Variants in AK5 observed in about 807,000 individuals in gnomAD.
AK5 encodes the protein adenylate kinase isoenzyme 5.
In AK5, 27 loss-of-function variants were observed where a neutral mutation model predicts 69.5. The observed-to-expected ratio is 0.39, with a 90% CI of 0.29 to 0.54. The LOEUF is 0.54. Among genes scored for constraint, AK5 ranks in the 20% least tolerant of loss-of-function variants. The pLI is 0.71. For missense variants in AK5, 531 were observed against 700.4 expected (o/e 0.76, Z 2.73); for synonymous variants, 260 against 244.4 (o/e 1.06, Z -0.60).
intron 5 of AK5, among the ~76,000 whole-genome samples, chr1:77,335,121 G>C (rs552716136): frequency 6.6e-6 from 1 of 152,178 alleles, no homozygotes; most frequent in African/African-American, 2.4e-5. Context: ...AGTACTGACA[G>C]TTAAGAACAA....
chr1:77,513,137 C>T (rs932794625), intron 10 of AK5, among the ~76,000 whole-genome samples: 1 of 152,242 alleles, frequency 6.6e-6, no homozygotes, highest in African/African-American at 2.4e-5. Context: ...ACTTCCACCC[C>T]TGTGCAGATG....
intron 7 of AK5, among the ~76,000 whole-genome samples, chr1:77,413,589 C>T (rs1334064709): frequency 6.6e-6 from 1 of 152,208 alleles, no homozygotes; most frequent in African/African-American, 2.4e-5. Context: ...TCTGGGCCTC[C>T]ATCTCCTTAT....
intron 10 of AK5, among the ~76,000 whole-genome samples, chr1:77,503,087 G>C (rs1656818269): frequency 1.3e-5 from 2 of 152,150 alleles, no homozygotes; most frequent in South Asian, 4.1e-4. Context: ...CCAATATTTA[G>C]GCATTTCTGT....
chr1:77,308,375 C>T (rs1659757478), intron 5 of AK5, among the ~76,000 whole-genome samples: 1 of 147,998 alleles, frequency 6.8e-6, no homozygotes, highest in Non-Finnish European at 1.5e-5. Context: ...GGAGATGGAG[C>T]TTGCAGTGAG....
chr1:77,524,800 CAAG>C lies in AK5; in HGVS notation c.1428+2861_1428+2863del, dbSNP rs550353205. Among the ~76,000 whole-genome samples the C allele has an allele frequency of 4.1e-4, 57 of 137,458 alleles. 1 individual carries two copies. Among genetic ancestry groups the C allele is most frequent in the African/African-American group, 1.7e-3 (55 of 32,256 alleles). The allele number at this position is 137,458 out of a possible 152,430, so 90.2% of individuals were successfully genotyped here. Reference sequence around the variant, plus strand: ...TGTTGCCTGTGCTTTTTGTCCTGTACAAGAAGTTATTACCTAATCCCCATGAAG... The same window carrying C: ...TGTTGCCTGTGCTTTTTGTCCTGTACAAGTTATTACCTAATCCCCATGAAG... On this transcript the variant is annotated intron_variant, in intron 12 of 13. Coordinates refer to ENST00000354567, the MANE Select transcript of AK5 (RefSeq NM_174858.3).
intron 8 of AK5, among the ~76,000 whole-genome samples, chr1:77,444,384 A>T (rs1258990307): frequency 2.0e-4 from 7 of 35,048 alleles, no homozygotes; most frequent in Non-Finnish European, 3.0e-4. Flanking sequence ...TACTATATAT[A>T]GTATATATAG....
intron 6 of AK5, among the ~76,000 whole-genome samples, chr1:77,381,221 T>C (rs1361926083): frequency 6.6e-6 from 1 of 152,162 alleles, no homozygotes; most frequent in Non-Finnish European, 1.5e-5. Context: ...TGGCTCACTT[T>C]ACCCTTCTAC....
At chr1:77,526,286 G>T (rs1296927807) in intron 12 of AK5, among the ~76,000 whole-genome samples, 1 of 151,998 alleles carries the variant, frequency 6.6e-6, no homozygotes, top group Admixed American at 6.5e-5. Context: ...ATTGGCAGTT[G>T]TGTAAACATG....
intron 10 of AK5, among the ~76,000 whole-genome samples, chr1:77,492,910 T>C (rs1386705037): frequency 6.6e-6 from 1 of 152,156 alleles, no homozygotes; most frequent in Non-Finnish European, 1.5e-5. Context: ...GGTGGGAGAA[T>C]GGCCCTGACA....
intron 6 of AK5, among the ~76,000 whole-genome samples, chr1:77,379,009 G>A (rs1190068082): frequency 6.6e-6 from 1 of 152,198 alleles, no homozygotes. Flanking sequence ...GAGACAACAT[G>A]CTGGGTTGCT....
At position 77,518,675 on chromosome 1, in the gene AK5, A is replaced by G. The variant is rs769994257; in HGVS notation, c.1259A>G (p.Glu420Gly). ...CGTGAGGAACTGGCATCAGAATCTGAAAGAAGCAAATTGATCAGAGACATT... is the reference window on the plus strand; with the variant it reads ...CGTGAGGAACTGGCATCAGAATCTGGAAGAAGCAAATTGATCAGAGACATT... Reference protein sequence around the residue: ...LLREELASESERSKLIRDIME... With the variant: ...LLREELASESGRSKLIRDIME... Residue 420 changes from glutamate (E) to glycine (G), a missense_variant, in exon 11 of 14, where the codon GAA becomes GGA. Physicochemically the swap from Glu to Gly is moderately conservative, Grantham distance 98. Transcript: ENST00000354567. The G allele has an allele frequency of 3.7e-6, 6 of 1,614,212 alleles. No homozygotes were observed. The Admixed American group carries it at 1.0e-4, about 27-fold the overall frequency.
intron 5 of AK5, among the ~76,000 whole-genome samples, chr1:77,333,881 T>G (rs949673566): frequency 1.3e-5 from 2 of 152,230 alleles, no homozygotes; most frequent in African/African-American, 4.8e-5. Flanking sequence ...GTGGTAAAGG[T>G]ACAATTCCTG....
At chr1:77,342,437 G>A (rs1557511995) in intron 6 of AK5, among the ~76,000 whole-genome samples, 2 of 152,190 alleles carry the variant, frequency 1.3e-5, no homozygotes, top group Non-Finnish European at 1.5e-5. Flanking sequence ...GAGGTGAAAT[G>A]CCATTGCCTC....
intron 1 of AK5, among the ~76,000 whole-genome samples, chr1:77,285,758 C>T (rs1238888567): frequency 6.6e-6 from 1 of 151,956 alleles, no homozygotes; most frequent in Non-Finnish European, 1.5e-5. Context: ...CAGTGGATAT[C>T]GTAGTGACTT....
intron 8 of AK5, among the ~76,000 whole-genome samples, chr1:77,474,555 A>G (rs969342078): frequency 1.3e-5 from 2 of 152,228 alleles, no homozygotes; most frequent in African/African-American, 4.8e-5. Context: ...GTGATGATCA[A>G]GAAGTGCTTC....
At chr1:77,491,527 G>C (rs1014336442) in intron 10 of AK5, among the ~76,000 whole-genome samples, 1 of 151,870 alleles carries the variant, frequency 6.6e-6, no homozygotes, top group Non-Finnish European at 1.5e-5. Context: ...GGCTGGTCTC[G>C]AACTCCTGAC....
intron 6 of AK5, among the ~76,000 whole-genome samples, chr1:77,395,703 T>C (rs1570496818): frequency 6.6e-6 from 1 of 152,114 alleles, no homozygotes; most frequent in African/African-American, 2.4e-5. Context: ...AAAAGAGGCA[T>C]AACTAAACAA....
At chr1:77,498,498 G>A (rs141417746) in intron 10 of AK5, among the ~76,000 whole-genome samples, 26 of 152,344 alleles carry the variant, frequency 1.7e-4, no homozygotes, top group African/African-American at 5.5e-4. Flanking sequence ...ACATGAGTTC[G>A]AATGTCGGCT....
At chr1:77,490,296 C>T (rs1570247388) in intron 10 of AK5, among the ~76,000 whole-genome samples, 1 of 152,130 alleles carries the variant, frequency 6.6e-6, no homozygotes, top group Non-Finnish European at 1.5e-5. Context: ...GCAACTTTTC[C>T]CCTGAGCTGG....
Sources: gnomAD v4.1 joint callset for allele counts (sites outside exome capture counted in the v4.1 genomes callset) on GRCh38, gnomAD v4.1.1 for gene constraint, MANE v1.5 for transcripts, NCBI Gene and HGNC (gene_info 2026-07-23, HGNC 2026-07-21) for gene names.